The following SLC25A31 variants were observed in gnomAD, a reference collection of about 807,000 sequenced individuals.
SLC25A31 encodes solute carrier family 25 member 31.
SLC25A31 carries 40 observed loss-of-function variants against 36.2 expected under a neutral mutation model. That is an observed-to-expected ratio of 1.10 (90% CI 0.86 to 1.44). The LOEUF is 1.44. Among genes scored for constraint, SLC25A31 ranks in the 40% most tolerant of loss-of-function variants. The pLI is 0.00. For synonymous variants in SLC25A31, 143 were observed against 149.7 expected (o/e 0.96, Z 0.32); for missense variants, 350 against 397.1 (o/e 0.88, Z 1.01).
intron 2 of SLC25A31, among the ~76,000 whole-genome samples, chr4:127,757,596 A>G (rs549734647): frequency 6.6e-6 from 1 of 152,342 alleles, no homozygotes; most frequent in South Asian, 2.1e-4. Flanking sequence ...TAAGATAAAC[A>G]TACAAGTTCA....
At chr4:127,769,495 C>A (rs917566322) in intron 5 of SLC25A31, among the ~76,000 whole-genome samples, 1 of 152,120 alleles carries the variant, frequency 6.6e-6, no homozygotes, top group Admixed American at 6.5e-5. Context: ...GGTAAGTATA[C>A]AAAGCAAATA....
At chr4:127,751,314 A>C (rs1294270453) in intron 2 of SLC25A31, among the ~76,000 whole-genome samples, 2 of 152,148 alleles carry the variant, frequency 1.3e-5, no homozygotes, top group African/African-American at 2.4e-5. Flanking sequence ...CAAAAACAAG[A>C]AATGGGGAAA....
chr4:127,756,486 T>C, intron 2 of SLC25A31, among the ~76,000 whole-genome samples: 1 of 152,152 alleles, frequency 6.6e-6, no homozygotes, highest in Non-Finnish European at 1.5e-5. Flanking sequence ...AAGTTTCATT[T>C]AGACAGGAGG....
At chr4:127,767,507 T>C (rs1732268235) in intron 4 of SLC25A31, among the ~76,000 whole-genome samples, 2 of 152,178 alleles carry the variant, frequency 1.3e-5, no homozygotes, top group Admixed American at 1.3e-4. Flanking sequence ...TACATCATAA[T>C]CAAATCATTG....
chr4:127,749,135 T>C (rs1358685648), intron 2 of SLC25A31, among the ~76,000 whole-genome samples: 2 of 147,944 alleles, frequency 1.4e-5, no homozygotes, highest in Non-Finnish European at 3.0e-5. Context: ...GTGACAGAAC[T>C]GAAAAAGCTC....
At position 127,730,503 on chromosome 4, in the gene SLC25A31, T is replaced by G. The variant is rs925115762; in HGVS notation, c.-43T>G. 1 of 1,588,150 alleles carries G rather than the reference T, an allele frequency of 6.3e-7. No homozygotes were observed. Among genetic ancestry groups the G allele is most frequent in the South Asian group, 1.1e-5 (1 of 90,020 alleles). On this transcript the variant is annotated 5_prime_UTR_variant, in exon 1 of 6. Transcript: ENST00000281154. ...CTTCCCTTCATCGTAGCTCCCGTAC[T>G]CATTTTTAGCCACTGCTGCCGGTTT...
chr4:127,759,713 T>C (rs1190710066), intron 2 of SLC25A31, among the ~76,000 whole-genome samples: 3 of 152,114 alleles, frequency 2.0e-5, no homozygotes, highest in Non-Finnish European at 4.4e-5. Context: ...CTGTTTAGGA[T>C]GATGAAAAAG....
chr4:127,762,940 A>C (rs1444881557), intron 2 of SLC25A31, among the ~76,000 whole-genome samples: 2 of 151,848 alleles, frequency 1.3e-5, no homozygotes, highest in Non-Finnish European at 2.9e-5. Flanking sequence ...AAAAAAAAGA[A>C]ATTTATAGTC....
intron 2 of SLC25A31, among the ~76,000 whole-genome samples, chr4:127,746,949 A>G (rs1453274320): frequency 6.6e-6 from 1 of 152,124 alleles, no homozygotes; most frequent in Non-Finnish European, 1.5e-5. Context: ...TGATTTTTAT[A>G]TATGGTGTAA....
At chr4:127,762,941 A>G (rs958261904) in intron 2 of SLC25A31, among the ~76,000 whole-genome samples, 1 of 151,910 alleles carries the variant, frequency 6.6e-6, no homozygotes, top group Non-Finnish European at 1.5e-5. Flanking sequence ...AAAAAAAGAA[A>G]TTTATAGTCT....
At position 127,730,423 on chromosome 4, in the gene SLC25A31, T is replaced by C. The variant is rs1438321600; in HGVS notation, c.-123T>C. The C allele has an allele frequency of 2.8e-6, 3 of 1,084,708 alleles. No individual in the cohort carries two copies. Among genetic ancestry groups the C allele is most frequent in the Non-Finnish European group, 4.0e-6 (3 of 758,888 alleles). The allele number at this position is 1,084,708 out of a possible 1,614,324, so 67.2% of individuals were successfully genotyped here. A position where few individuals can be genotyped will look rare whatever the true frequency, so the allele number is the denominator to read the frequency against. On this transcript the variant is annotated 5_prime_UTR_variant, in exon 1 of 6. Coordinates refer to ENST00000281154, the MANE Select transcript of SLC25A31 (RefSeq NM_031291.4). ...TCGCCGGCGCGCGGCTCTCTCAGCG[T>C]CCCAAGAGCCACTTTCTCGCCAGTA...
intron 1 of SLC25A31, among the ~76,000 whole-genome samples, chr4:127,740,142 GTGGTGCC>G (rs1731707118): frequency 6.6e-6 from 1 of 152,228 alleles, no homozygotes; most frequent in African/African-American, 2.4e-5. Context: ...CACATTTTTT[GTGGTGCC>G]TGATTTCTTG....
intron 5 of SLC25A31, among the ~76,000 whole-genome samples, chr4:127,769,431 G>A (rs1191588835): frequency 2.6e-5 from 4 of 152,126 alleles, no homozygotes; most frequent in South Asian, 2.1e-4. Flanking sequence ...GAGCACCAAC[G>A]TGATGCTCAA....
At chr4:127,752,384 A>C (rs1474724706) in intron 2 of SLC25A31, among the ~76,000 whole-genome samples, 2 of 151,810 alleles carry the variant, frequency 1.3e-5, no homozygotes, top group Admixed American at 6.6e-5. Flanking sequence ...ACACATGGAC[A>C]CAGGAAGGGG....
chr4:127,757,667 A>T (rs1732055590), intron 2 of SLC25A31, among the ~76,000 whole-genome samples: 1 of 152,150 alleles, frequency 6.6e-6, no homozygotes, highest in South Asian at 2.1e-4. Flanking sequence ...ATAGGATGGC[A>T]TAGTAGTTCT....
chr4:127,747,827 G>A (rs1301960715), intron 2 of SLC25A31, among the ~76,000 whole-genome samples: 1 of 152,116 alleles, frequency 6.6e-6, no homozygotes, highest in African/African-American at 2.4e-5. Context: ...TGACTAGAAG[G>A]ACATATAGAA....
At chr4:127,766,072 AT>A (rs1732234862) in intron 3 of SLC25A31, among the ~76,000 whole-genome samples, 2 of 152,206 alleles carry the variant, frequency 1.3e-5, no homozygotes, top group Admixed American at 6.5e-5. Context: ...TTCATATGAA[AT>A]GTTAACTATC....
In SLC25A31 at chr4:127,730,812, C is replaced by T. The variant is rs760979698; in HGVS notation, c.232+35C>T. On this transcript the variant is annotated intron_variant, in intron 1 of 5. Transcript: ENST00000281154. ...GGCAGGCCGCCCCGACAGCCTCTCC[C>T]GGCGCCCTCGTCAGCTTCCCAGAGA... The T allele has an allele frequency of 1.0e-5, 16 of 1,568,018 alleles. No homozygotes were observed. In the South Asian group the frequency reaches 1.0e-4, roughly 10 times the overall value.
At chr4:127,735,272 C>T (rs886636116) in intron 1 of SLC25A31, among the ~76,000 whole-genome samples, 1 of 152,074 alleles carries the variant, frequency 6.6e-6, no homozygotes, top group African/African-American at 2.4e-5. Flanking sequence ...TGAACTTCAC[C>T]CTAACAGTGC....
Sources: gnomAD v4.1 joint callset for allele counts (sites outside exome capture counted in the v4.1 genomes callset) on GRCh38, gnomAD v4.1.1 for gene constraint, MANE v1.5 for transcripts, NCBI Gene and HGNC (gene_info 2026-07-23, HGNC 2026-07-21) for gene names.